Variants in ZFPM2 observed in about 807,000 individuals in gnomAD.
ZFPM2 encodes the protein zinc finger protein ZFPM2.
ZFPM2 carries 20 observed loss-of-function variants against 98.6 expected under a neutral mutation model. That is an observed-to-expected ratio of 0.20 (90% CI 0.14 to 0.29). ZFPM2 has a LOEUF of 0.29. ZFPM2 is among the 10% of genes least tolerant of loss of function. ZFPM2 has a pLI of 1.00. For synonymous variants in ZFPM2, 518 were observed against 502.7 expected, an observed-to-expected ratio of 1.03 and a Z score of -0.41; for missense variants, 1,310 against 1,388.6, an observed-to-expected ratio of 0.94 and a Z score of 0.90.
chr8:105,561,580 T>A, intron 4 of ZFPM2, 99 bp downstream of exon 4: 2 of 975,272 alleles, frequency 2.1e-6, no homozygotes, highest in Non-Finnish European at 3.0e-6. Context: ...ATGAAATCAC[T>A]AAAAATAACC....
chr8:105,655,223 C>CTGTTT (rs1817259598), intron 5 of ZFPM2, among the ~76,000 whole-genome samples: 1 of 76,086 alleles, frequency 1.3e-5, no homozygotes, highest in Non-Finnish European at 2.5e-5. Flanking sequence ...TGCATTGAGT[C>CTGTTT]TTTTTTTTTT....
intron 3 of ZFPM2, among the ~76,000 whole-genome samples, chr8:105,545,158 A>G (rs1379793883): frequency 6.6e-6 from 1 of 152,166 alleles, no homozygotes; most frequent in African/African-American, 2.4e-5. Flanking sequence ...TGATAGAGAT[A>G]TTTGTAAGTG....
chr8:105,375,402 A>G (rs1810705150), intron 1 of ZFPM2, among the ~76,000 whole-genome samples: 2 of 152,250 alleles, frequency 1.3e-5, no homozygotes, highest in Admixed American at 6.5e-5. Flanking sequence ...GTTCCTTAGG[A>G]AGGGAAAAGA....
chr8:105,648,838 T>G lies in ZFPM2; in HGVS notation c.532+14481T>G, dbSNP rs547340722. Reference sequence around the variant, plus strand: ...ATGCCTCCAGCTTTGTTCTTTTGGCTTAGGATTGACTTGGCAATGCGGGCT... The same window carrying G: ...ATGCCTCCAGCTTTGTTCTTTTGGCGTAGGATTGACTTGGCAATGCGGGCT... On this transcript the variant is annotated intron_variant, in intron 5 of 7. Coordinates refer to ENST00000407775, the MANE Select transcript of ZFPM2 (RefSeq NM_012082.4). Among the ~76,000 whole-genome samples the G allele has an allele frequency of 1.3e-4, 20 of 152,328 alleles. No homozygotes were observed. In the South Asian group the frequency reaches 3.5e-3, roughly 27 times the overall value.
chr8:105,772,251 G>T (rs1457893578), intron 5 of ZFPM2, among the ~76,000 whole-genome samples: 2 of 152,106 alleles, frequency 1.3e-5, no homozygotes. Context: ...AATATGCAAG[G>T]CAGAGTTAAA....
At chr8:105,322,897 C>G (rs553613531) in intron 1 of ZFPM2, among the ~76,000 whole-genome samples, 14 of 151,906 alleles carry the variant, frequency 9.2e-5, no homozygotes, top group Admixed American at 2.6e-4. Flanking sequence ...TTAGGCCGTA[C>G]GAATTCCTAA....
chr8:105,800,417 C>CTGGT (rs1207394985), intron 7 of ZFPM2, among the ~76,000 whole-genome samples: 1 of 148,148 alleles, frequency 6.8e-6, no homozygotes, highest in Non-Finnish European at 1.5e-5. Context: ...TATTAGTGTA[C>CTGGT]TGGTAGACTA....
intron 4 of ZFPM2, among the ~76,000 whole-genome samples, chr8:105,616,322 A>C (rs1586151963): frequency 6.6e-6 from 1 of 152,274 alleles, no homozygotes; most frequent in Admixed American, 6.5e-5. Context: ...GATTTTACTC[A>C]ATTTCCATTT....
chr8:105,319,258 C>T (rs1171918610), intron 1 of ZFPM2, among the ~76,000 whole-genome samples: 2 of 152,170 alleles, frequency 1.3e-5, no homozygotes, highest in African/African-American at 2.4e-5. Context: ...TAATTCCGAC[C>T]CGCGCACGCT....
At chr8:105,332,410 T>C (rs1408216711) in intron 1 of ZFPM2, among the ~76,000 whole-genome samples, 1 of 151,754 alleles carries the variant, frequency 6.6e-6, no homozygotes, top group Non-Finnish European at 1.5e-5. Context: ...GATTAATGAA[T>C]GAATGAAAAA....
chr8:105,616,627 C>T (rs887922895), intron 4 of ZFPM2: 13 of 335,470 alleles, frequency 3.9e-5, no homozygotes, highest in African/African-American at 1.5e-4. Flanking sequence ...GATTTATAAG[C>T]GTTATTTAAT....
At chr8:105,757,646 C>G (rs1459069147) in intron 5 of ZFPM2, among the ~76,000 whole-genome samples, 3 of 152,040 alleles carry the variant, frequency 2.0e-5, no homozygotes, top group Non-Finnish European at 4.4e-5. Flanking sequence ...ATTAAATTTT[C>G]CATATTCTTG....
intron 3 of ZFPM2, among the ~76,000 whole-genome samples, chr8:105,462,087 GTTTAA>G (rs1217876991): frequency 6.6e-6 from 1 of 152,054 alleles, no homozygotes; most frequent in Non-Finnish European, 1.5e-5. Flanking sequence ...TGTTTATTAA[GTTTAA>G]TTTATGTTTT....
At chr8:105,393,157 T>C (rs1282247536) in intron 1 of ZFPM2, among the ~76,000 whole-genome samples, 2 of 152,170 alleles carry the variant, frequency 1.3e-5, no homozygotes, top group East Asian at 3.8e-4. Flanking sequence ...ATCCAATCAG[T>C]CTGATTTATA....
At chr8:105,602,902 A>G (rs1412627521) in intron 4 of ZFPM2, among the ~76,000 whole-genome samples, 1 of 152,108 alleles carries the variant, frequency 6.6e-6, no homozygotes, top group Admixed American at 6.6e-5. Flanking sequence ...CAGACTGGAT[A>G]CTTTTTAAAT....
At chr8:105,739,096 A>G (rs1486338900) in intron 5 of ZFPM2, among the ~76,000 whole-genome samples, 6 of 152,072 alleles carry the variant, frequency 3.9e-5, no homozygotes, top group Non-Finnish European at 8.8e-5. Context: ...AATAAGTGCC[A>G]CATCCTTAGG....
intron 6 of ZFPM2, among the ~76,000 whole-genome samples, chr8:105,794,909 T>C (rs897268455): frequency 2.6e-5 from 4 of 152,222 alleles, no homozygotes; most frequent in Non-Finnish European, 5.9e-5. Context: ...AATCTCCTGG[T>C]GCGCCATTTT....
At chr8:105,709,281 A>G (rs1469280062) in intron 5 of ZFPM2, among the ~76,000 whole-genome samples, 1 of 152,208 alleles carries the variant, frequency 6.6e-6, no homozygotes, top group Non-Finnish European at 1.5e-5. Context: ...ATCTTCAAAT[A>G]TAAACTCATA....
intron 3 of ZFPM2, among the ~76,000 whole-genome samples, chr8:105,506,037 T>G (rs1813691738): frequency 6.6e-6 from 1 of 152,142 alleles, no homozygotes; most frequent in Admixed American, 6.5e-5. Flanking sequence ...AAGTCAAGTG[T>G]AAAGAAGCAC....
Sources: gnomAD v4.1 joint callset for allele counts (sites outside exome capture counted in the v4.1 genomes callset) on GRCh38, gnomAD v4.1.1 for gene constraint, MANE v1.5 for transcripts, NCBI Gene and HGNC (gene_info 2026-07-23, HGNC 2026-07-21) for gene names.